ARNT: variants seen among roughly 807,000 people sequenced by gnomAD.
ARNT encodes the protein class E basic helix-loop-helix protein 2.
ARNT carries 30 observed loss-of-function variants against 105.0 expected under a neutral mutation model. The ratio of observed to expected loss-of-function variants is 0.29; its 90% CI spans 0.21 to 0.39. ARNT has a LOEUF of 0.39. Among genes scored for constraint, ARNT ranks in the 10% least tolerant of loss-of-function variants. The probability of loss-of-function intolerance (pLI) is 1.00; values close to 1 mark genes in which losing one functional copy is unlikely to be tolerated. For synonymous variants in ARNT, 304 were observed against 344.0 expected, an observed-to-expected ratio of 0.88 and a Z score of 1.29; for missense variants, 748 against 978.7, an observed-to-expected ratio of 0.76 and a Z score of 3.15.
intron 1 of ARNT, among the ~76,000 whole-genome samples, chr1:150,872,112 G>A (rs1667552229): frequency 6.6e-6 from 1 of 151,832 alleles, no homozygotes; most frequent in Non-Finnish European, 1.5e-5. Context: ...GTGCACCACA[G>A]TGCCCGGAAA....
chr1:150,834,083 G>A (rs1025323420), intron 8 of ARNT, among the ~76,000 whole-genome samples: 1 of 151,888 alleles, frequency 6.6e-6, no homozygotes, highest in Non-Finnish European at 1.5e-5. Flanking sequence ...ATGGGCGCAC[G>A]CCACCACGCC....
chr1:150,821,223 T>C (rs1486114763), intron 14 of ARNT, among the ~76,000 whole-genome samples: 1 of 152,244 alleles, frequency 6.6e-6, no homozygotes, highest in Non-Finnish European at 1.5e-5. Context: ...GACTTCATTC[T>C]ATAGTACATA....
chr1:150,848,855 C>A (rs1395726172), intron 3 of ARNT, among the ~76,000 whole-genome samples: 1 of 152,094 alleles, frequency 6.6e-6, no homozygotes, highest in Admixed American at 6.5e-5. Context: ...ATAAAATACA[C>A]TTATATTACT....
chr1:150,816,921 A>G, intron 17 of ARNT, 31 bp from the exon 18 acceptor site: 1 of 1,605,824 alleles, frequency 6.2e-7, no homozygotes, highest in Non-Finnish European at 8.5e-7. Flanking sequence ...GGGAAGGGCC[A>G]GTCAAGGGGC....
Position 150,869,128 on chromosome 1 carries a change from C to CA in ARNT, c.25+7414dup, listed in dbSNP as rs1168544566. On this transcript the variant is annotated intron_variant, in intron 1 of 21. Coordinates refer to ENST00000358595, the MANE Select transcript of ARNT (RefSeq NM_001668.4). ...TGGCTGACACAACAGGACCTTGTCT[C>CA]AAAAAAACCCTTAAAAGTATTTAAA... Among the ~76,000 whole-genome samples the CA allele has an allele frequency of 2.6e-5, 4 of 151,836 alleles. 1 individual carries two copies. The highest frequency in any genetic ancestry group is 5.9e-5 in the Non-Finnish European group (4 of 67,954).
At chr1:150,836,711 T>C (rs1278731270) in intron 6 of ARNT, among the ~76,000 whole-genome samples, 1 of 152,140 alleles carries the variant, frequency 6.6e-6, no homozygotes, top group Non-Finnish European at 1.5e-5. Context: ...TATGTCACTA[T>C]CCACCTCTTC....
At chr1:150,871,543 T>C (rs1667437911) in intron 1 of ARNT, among the ~76,000 whole-genome samples, 1 of 149,178 alleles carries the variant, frequency 6.7e-6, no homozygotes, top group African/African-American at 2.4e-5. Context: ...TCAGGTGATC[T>C]GCCCACTTCG....
chr1:150,876,527 T>A lies in ARNT; in HGVS notation c.25+16A>T. ...CCCCTCCCCTTTAGAGGCGCCCCAG[T>A]CCTCCGTCTCCTCACCGGGGTTGGC... On this transcript the variant is annotated intron_variant, in intron 1 of 21. Coordinates refer to ENST00000358595, the MANE Select transcript of ARNT (RefSeq NM_001668.4). 6.5e-7 allele frequency: 1 copy of A among 1,550,146 alleles called. No individual in the cohort carries two copies. Among genetic ancestry groups the A allele is most frequent in the Non-Finnish European group, 8.7e-7 (1 of 1,147,626 alleles).
intron 4 of ARNT, among the ~76,000 whole-genome samples, chr1:150,843,704 G>T (rs1661667868): frequency 6.6e-6 from 1 of 151,902 alleles, no homozygotes; most frequent in Non-Finnish European, 1.5e-5. Flanking sequence ...CAAAGTGCTG[G>T]AATTACAGGC....
intron 5 of ARNT, among the ~76,000 whole-genome samples, chr1:150,840,455 A>T (rs1343225362): frequency 6.6e-6 from 1 of 152,188 alleles, no homozygotes; most frequent in East Asian, 1.9e-4. Flanking sequence ...GATAGTACAG[A>T]TTTCCTTGGT....
At chr1:150,844,874 A>G (rs959473802) in intron 4 of ARNT, among the ~76,000 whole-genome samples, 7 of 149,002 alleles carry the variant, frequency 4.7e-5, no homozygotes, top group Admixed American at 2.0e-4. Flanking sequence ...CAATGGTGCC[A>G]TCTCTGCTCA....
chr1:150,830,148 C>A, intron 10 of ARNT, 168 bp from the exon 11 acceptor site: 1 of 632,784 alleles, frequency 1.6e-6, no homozygotes, highest in Non-Finnish European at 2.7e-6. Context: ...CACTTGAGGA[C>A]CAGCCTGGCC....
At chr1:150,854,175 T>A (rs1420442926) in intron 2 of ARNT, among the ~76,000 whole-genome samples, 1 of 152,194 alleles carries the variant, frequency 6.6e-6, no homozygotes, top group Non-Finnish European at 1.5e-5. Flanking sequence ...CACCTTGAGC[T>A]CCTGGGCTCA....
chr1:150,835,803 A>G (rs1660215399), intron 7 of ARNT, among the ~76,000 whole-genome samples: 1 of 143,406 alleles, frequency 7.0e-6, no homozygotes, highest in African/African-American at 2.5e-5. Context: ...GGGGAGAAAA[A>G]AAGAACAACA....
At chr1:150,823,848 AC>A (rs1657635182) in intron 13 of ARNT, among the ~76,000 whole-genome samples, 1 of 96,530 alleles carries the variant, frequency 1.0e-5, no homozygotes, top group African/African-American at 4.1e-5. Flanking sequence ...CCGTGCCCAG[AC>A]TTTTTTTTTT....
Position 150,842,416 on chromosome 1 carries a change from TCTC to T in ARNT, c.272+5_272+7del. The T allele has an allele frequency of 6.2e-7, 1 of 1,611,948 alleles. No homozygotes were observed. Among genetic ancestry groups the T allele is most frequent in the Non-Finnish European group, 8.5e-7 (1 of 1,178,874 alleles). On this transcript the variant is annotated splice_donor_5th_base_variant and intron_variant, in intron 5 of 21. Coordinates refer to ENST00000358595, the MANE Select transcript of ARNT (RefSeq NM_001668.4). ...GCTTCATCATGCTAAAAGACACTGT[TCTC>T]CTACCTGGCAAGTCTCTCTTTATCC...
chr1:150,866,110 G>A (rs1304769382), intron 1 of ARNT, among the ~76,000 whole-genome samples: 1 of 151,502 alleles, frequency 6.6e-6, no homozygotes, highest in African/African-American at 2.4e-5. Context: ...AGCCTCCCAA[G>A]TAGCTGGTAC....
chr1:150,819,902 A>C (rs1217380847), intron 14 of ARNT, among the ~76,000 whole-genome samples: 1 of 152,200 alleles, frequency 6.6e-6, no homozygotes, highest in Non-Finnish European at 1.5e-5. Context: ...ACTTTAAATG[A>C]GTGAGGTATA....
intron 13 of ARNT, 65 bp from the exon 14 acceptor site, chr1:150,823,410 A>C (rs1258467321): frequency 6.7e-7 from 1 of 1,487,204 alleles, no homozygotes; most frequent in African/African-American, 1.4e-5. Flanking sequence ...ATAAATAAAA[A>C]TTTTCCAATT....
Sources: allele counts gnomAD v4.1 joint callset (sites outside exome capture counted in the v4.1 genomes callset), GRCh38; gene constraint gnomAD v4.1.1; transcripts MANE v1.5; gene names NCBI Gene and HGNC (gene_info 2026-07-23, HGNC 2026-07-21).